Variants in AGO3 observed in about 807,000 individuals in gnomAD.
AGO3 encodes the protein protein argonaute-3.
AGO3 carries 16 observed loss-of-function variants against 105.5 expected under a neutral mutation model. The ratio of observed to expected loss-of-function variants is 0.15; its 90% CI spans 0.10 to 0.23. The LOEUF is 0.23. AGO3 is among the 10% of genes least tolerant of loss of function. The pLI, the probability that AGO3 is intolerant of heterozygous loss-of-function variation, is 1.00. For missense variants in AGO3, 534 were observed against 1,088.0 expected (o/e 0.49, Z 7.16); for synonymous variants, 340 against 367.3 (o/e 0.93, Z 0.85).
intron 17 of AGO3, among the ~76,000 whole-genome samples, chr1:36,050,233 C>A (rs750274258): frequency 3.3e-5 from 5 of 152,178 alleles, no homozygotes; most frequent in Non-Finnish European, 5.9e-5. Flanking sequence ...TGCCTATAAT[C>A]CCAGTACTTT....
intron 2 of AGO3, among the ~76,000 whole-genome samples, chr1:35,949,304 A>G (rs944149513): frequency 2.5e-4 from 38 of 152,340 alleles, no homozygotes; most frequent in Admixed American, 6.5e-4. Context: ...AATCAGCTTT[A>G]TACTTTGTTA....
At position 36,072,334 on chromosome 1, in the gene AGO3, G is replaced by A. The variant is rs1643176294; in HGVS notation, c.*16589G>A. The A allele has an allele frequency of 6.6e-6, 1 of 152,214 alleles. No individual in the cohort carries two copies. The highest frequency in any genetic ancestry group is 1.5e-5 in the Non-Finnish European group (1 of 68,032). The allele number at this position is 152,214 out of a possible 1,614,324, so 9.4% of individuals were successfully genotyped here. ...AACTGTCACGAAATGTTCTGTGACA[G>A]AACCACTACTCTTTTTTCTGCCATT... On this transcript the variant is annotated 3_prime_UTR_variant, in exon 19 of 19. Coordinates refer to ENST00000373191, the MANE Select transcript of AGO3 (RefSeq NM_024852.4).
chr1:35,992,808 T>C (rs990884690), intron 5 of AGO3, among the ~76,000 whole-genome samples: 4 of 152,238 alleles, frequency 2.6e-5, no homozygotes, highest in Non-Finnish European at 5.9e-5. Context: ...TCACACATTT[T>C]CTATGAGTTA....
intron 5 of AGO3, among the ~76,000 whole-genome samples, chr1:36,003,694 CAAA>C (rs1209511459): frequency 2.1e-4 from 11 of 53,470 alleles, no homozygotes; most frequent in African/African-American, 5.9e-4. Flanking sequence ...AAGTCTGTCT[CAAA>C]AAAAAAAAAA....
chr1:36,052,543 T>G (rs1193642247), intron 17 of AGO3, among the ~76,000 whole-genome samples: 2 of 152,022 alleles, frequency 1.3e-5, no homozygotes, highest in African/African-American at 4.8e-5. Context: ...ACCAGGAGAG[T>G]GGGTTTGGAA....
chr1:35,972,318 T>G lies in AGO3; in HGVS notation c.521+86T>G, dbSNP rs1646884021. Reference sequence around the variant, plus strand: ...CTTCCCTTGGTTAAACCTTTATTTGTCATATATTTTGATTGTTCAACTGAA... The same window carrying G: ...CTTCCCTTGGTTAAACCTTTATTTGGCATATATTTTGATTGTTCAACTGAA... On this transcript the variant is annotated intron_variant, in intron 4 of 18. Coordinates refer to ENST00000373191, the MANE Select transcript of AGO3 (RefSeq NM_024852.4). 4 of 1,385,186 alleles carry G rather than the reference T, an allele frequency of 2.9e-6. No homozygotes were observed. The East Asian group carries it at 9.9e-5, about 34-fold the overall frequency. 85.8% of individuals were successfully genotyped at this position (1,385,186 alleles called of 1,614,324 possible). A position where few individuals can be genotyped will look rare whatever the true frequency, so the allele number is the denominator to read the frequency against.
At chr1:35,941,980 T>C (rs546353569) in intron 1 of AGO3, among the ~76,000 whole-genome samples, 120 of 152,348 alleles carry the variant, frequency 7.9e-4, no homozygotes, top group African/African-American at 2.7e-3. Context: ...GATCAAGTAT[T>C]ATTTTCATTT....
At chr1:36,025,087 C>G (rs1043251103) in intron 11 of AGO3, among the ~76,000 whole-genome samples, 1 of 152,138 alleles carries the variant, frequency 6.6e-6, no homozygotes, top group African/African-American at 2.4e-5. Flanking sequence ...TGATCCTTAT[C>G]TAATTTAAAT....
intron 6 of AGO3, among the ~76,000 whole-genome samples, chr1:36,007,697 A>C (rs1234093338): frequency 6.6e-6 from 1 of 152,164 alleles, no homozygotes; most frequent in Non-Finnish European, 1.5e-5. Flanking sequence ...AAACTAAAAA[A>C]AAAAAACCTA....
At chr1:35,939,558 T>C (rs186439799) in intron 1 of AGO3, among the ~76,000 whole-genome samples, 14 of 152,254 alleles carry the variant, frequency 9.2e-5, no homozygotes, top group Admixed American at 3.3e-4. Flanking sequence ...CTGGGACATA[T>C]GGGAAATCTC....
chr1:35,935,548 A>T (rs1276418108), intron 1 of AGO3, among the ~76,000 whole-genome samples: 1 of 152,256 alleles, frequency 6.6e-6, no homozygotes, highest in East Asian at 1.9e-4. Flanking sequence ...GTATTAGTTT[A>T]TATCTTCCAA....
chr1:35,947,161 G>A (rs1646382021), intron 2 of AGO3, among the ~76,000 whole-genome samples: 1 of 151,972 alleles, frequency 6.6e-6, no homozygotes, highest in Admixed American at 6.6e-5. Flanking sequence ...AAGCATAACG[G>A]TTGAGAAGAA....
intron 5 of AGO3, among the ~76,000 whole-genome samples, chr1:35,995,672 C>T (rs967866614): frequency 1.3e-5 from 2 of 152,006 alleles, no homozygotes; most frequent in Admixed American, 6.6e-5. Context: ...TGATCTTGGA[C>T]GAGGCAAAGA....
chr1:35,946,157 C>G (rs551604900), intron 2 of AGO3, among the ~76,000 whole-genome samples: 3 of 152,298 alleles, frequency 2.0e-5, no homozygotes, highest in East Asian at 3.9e-4. Context: ...ATTTTCCTTG[C>G]TGTTAGGTAA....
rs536809172 is a variant in AGO3 at position 35,972,780 on chromosome 1, G to A, written c.521+548G>A. Among the ~76,000 whole-genome samples the A allele has an allele frequency of 1.9e-4, 28 of 151,326 alleles. 1 individual carries two copies. In the East Asian group the frequency reaches 4.9e-3, roughly 26 times the overall value. On this transcript the variant is annotated intron_variant, in intron 4 of 18. Transcript: ENST00000373191. Reference sequence around the variant, plus strand: ...TGCAGCCTCAACCTCCCAGGCCTAAGCAATCCTCCTACCTCAGCCTTCTGA... The same window carrying A: ...TGCAGCCTCAACCTCCCAGGCCTAAACAATCCTCCTACCTCAGCCTTCTGA...
At chr1:35,932,472 A>G (rs991345475) in intron 1 of AGO3, among the ~76,000 whole-genome samples, 6 of 152,204 alleles carry the variant, frequency 3.9e-5, no homozygotes, top group African/African-American at 1.4e-4. Flanking sequence ...AACGATAGCT[A>G]AGAACTTTGT....
Position 36,057,140 on chromosome 1 carries a change from C to G in AGO3, c.*1395C>G, listed in dbSNP as rs979057341. Reference sequence around the variant, plus strand: ...CTGGTAAGTGATGTGTATTCTGAAGCCTTCTGTTTCTATGGGTTATACATG... The same window carrying G: ...CTGGTAAGTGATGTGTATTCTGAAGGCTTCTGTTTCTATGGGTTATACATG... On this transcript the variant is annotated 3_prime_UTR_variant, in exon 19 of 19. Coordinates refer to ENST00000373191, the MANE Select transcript of AGO3 (RefSeq NM_024852.4). 6.6e-6 allele frequency: 1 copy of G among 152,012 alleles called. No homozygotes were observed. Among genetic ancestry groups the G allele is most frequent in the Non-Finnish European group, 1.5e-5 (1 of 68,006 alleles). The allele number at this position is 152,012 out of a possible 1,614,324, so 9.4% of individuals were successfully genotyped here.
Position 36,063,633 on chromosome 1 carries a change from A to G in AGO3, c.*7888A>G, listed in dbSNP as rs996776348. 1 of 152,228 alleles carries G rather than the reference A, an allele frequency of 6.6e-6. No individual in the cohort carries two copies. The highest frequency in any genetic ancestry group is 2.4e-5 in the African/African-American group (1 of 41,464). 9.4% of individuals were successfully genotyped at this position (152,228 alleles called of 1,614,324 possible). On this transcript the variant is annotated 3_prime_UTR_variant, in exon 19 of 19. Coordinates refer to ENST00000373191, the MANE Select transcript of AGO3 (RefSeq NM_024852.4). ...TTTAAGTGGCTAGGGAGAGCCAGGTATAAAGACTGATTAATAGAGTACTTC... is the reference window on the plus strand; with the variant it reads ...TTTAAGTGGCTAGGGAGAGCCAGGTGTAAAGACTGATTAATAGAGTACTTC...
chr1:35,950,599 TA>T (rs1368500223), intron 2 of AGO3, among the ~76,000 whole-genome samples: 3 of 152,188 alleles, frequency 2.0e-5, no homozygotes, highest in African/African-American at 7.2e-5. Context: ...TTCCCCCTAT[TA>T]AATGATTTTG....
Sources: allele counts gnomAD v4.1 joint callset (sites outside exome capture counted in the v4.1 genomes callset), GRCh38; gene constraint gnomAD v4.1.1; transcripts MANE v1.5; gene names NCBI Gene and HGNC (gene_info 2026-07-23, HGNC 2026-07-21).